Variants in CFAP251 observed in about 807,000 individuals in gnomAD.
CFAP251 encodes the protein cilia and flagella associated protein 251, also known as cilia- and flagella-associated protein 251.
In CFAP251, 93 loss-of-function variants were observed where a neutral mutation model predicts 126.7. The observed-to-expected ratio is 0.73, with a 90% CI of 0.62 to 0.87. The LOEUF (loss-of-function observed/expected upper bound fraction) is 0.87. Among genes scored for constraint, CFAP251 ranks in the 40% least tolerant of loss-of-function variants. CFAP251 has a pLI of 0.00. For synonymous variants in CFAP251, 503 were observed against 506.9 expected, an observed-to-expected ratio of 0.99 and a Z score of 0.10; for missense variants, 1,287 against 1,389.2, an observed-to-expected ratio of 0.93 and a Z score of 1.17.
intron 19 of CFAP251, among the ~76,000 whole-genome samples, chr12:121,978,298 G>A (rs1176987530): frequency 6.8e-6 from 1 of 148,108 alleles, no homozygotes; most frequent in Non-Finnish European, 1.5e-5. Flanking sequence ...GGAGGCTGAG[G>A]CAGGAGAATG....
chr12:122,003,572 CA>C, intron 21 of CFAP251, 79 bp from the exon 22 acceptor site: 1 of 1,169,300 alleles, frequency 8.6e-7, no homozygotes, highest in Non-Finnish European at 1.2e-6. Flanking sequence ...GGCCCTGTCT[CA>C]AACCCCTCCC....
At chr12:121,987,489 C>T (rs568114351) in intron 19 of CFAP251, among the ~76,000 whole-genome samples, 6 of 152,080 alleles carry the variant, frequency 3.9e-5, no homozygotes, top group South Asian at 2.1e-4. Flanking sequence ...CTGAGGTGGG[C>T]GCATCACCTG....
chr12:121,963,455 G>A (rs1022643282), intron 15 of CFAP251, among the ~76,000 whole-genome samples: 2 of 151,672 alleles, frequency 1.3e-5, no homozygotes, highest in African/African-American at 4.8e-5. Flanking sequence ...GGGAGAGGCT[G>A]GGCTGGAGTC....
intron 5 of CFAP251, 36 bp from the exon 6 acceptor site, chr12:121,942,498 C>G: frequency 6.6e-7 from 1 of 1,522,360 alleles, no homozygotes; most frequent in Non-Finnish European, 9.1e-7. Context: ...CCAGGGAGAC[C>G]TCAGCAAGTG....
chr12:121,934,084 G>C (rs976947723), intron 4 of CFAP251, among the ~76,000 whole-genome samples, 163 bp from the exon 5 acceptor site: 5 of 152,140 alleles, frequency 3.3e-5, no homozygotes, highest in Admixed American at 2.6e-4. Context: ...CACCCACTAG[G>C]AAGTGGAGAA....
chr12:121,957,252 G>A lies in CFAP251; in HGVS notation c.1714G>A (p.Asp572Asn). ...NYPPDCTLKGDLFVLRNFIIG... is the reference protein window; with the variant it reads ...NYPPDCTLKGNLFVLRNFIIG... ...TCCTCCTGACTGCACTTTAAAAGGTGACCTTTTTGTCTTAAGGTAAGTTGT... is the reference window on the plus strand; with the variant it reads ...TCCTCCTGACTGCACTTTAAAAGGTAACCTTTTTGTCTTAAGGTAAGTTGT... The change falls in exon 11 of 22, where the codon GAC becomes AAC. Residue 572 changes from aspartate (D) to asparagine (N), a missense_variant. Coordinates refer to ENST00000288912, the MANE Select transcript of CFAP251 (RefSeq NM_144668.6). 1 of 1,609,944 alleles carries A rather than the reference G, an allele frequency of 6.2e-7. No individual in the cohort carries two copies. Among genetic ancestry groups the A allele is most frequent in the Admixed American group, 1.7e-5 (1 of 58,698 alleles).
chr12:121,987,046 C>T (rs1882766151), intron 19 of CFAP251, among the ~76,000 whole-genome samples: 2 of 152,176 alleles, frequency 1.3e-5, no homozygotes, highest in Non-Finnish European at 1.5e-5. Context: ...GGATGGAGGT[C>T]TGTAGCCAAG....
intron 13 of CFAP251, among the ~76,000 whole-genome samples, chr12:121,960,078 A>G (rs1235752565): frequency 6.6e-6 from 1 of 152,172 alleles, no homozygotes; most frequent in Non-Finnish European, 1.5e-5. Flanking sequence ...GACTGCAGTG[A>G]GCCGTGATCA....
rs147817193 is a variant in CFAP251, at chr12:121,999,728, T to C, written c.3019T>C (p.Phe1007Leu). ...ATCTTTCCCCTAGATTGATGATATA[T>C]TTAACGAAATCAAATTTGGTGAATA... ...YPSEEKIDDIFNEIKFGEYVD... is the reference protein window; with the variant it reads ...YPSEEKIDDILNEIKFGEYVD... The change falls in exon 20 of 22, where the codon TTT becomes CTT. Residue 1007 changes from phenylalanine to leucine, a missense_variant. Phe to Leu is a conservative substitution (Grantham distance 22, BLOSUM62 0). Transcript: ENST00000288912. The C allele has an allele frequency of 1.2e-6, 2 of 1,608,070 alleles. No homozygotes were observed. The highest frequency in any genetic ancestry group is 3.3e-5 in the Admixed American group (2 of 59,934).
At chr12:121,929,012 A>G (rs1047808846) in intron 3 of CFAP251, among the ~76,000 whole-genome samples, 1 of 151,680 alleles carries the variant, frequency 6.6e-6, no homozygotes, top group African/African-American at 2.4e-5. Context: ...TTTATTTTTG[A>G]GCAGTTTTAG....
chr12:121,994,189 G>A (rs865816240), intron 19 of CFAP251, among the ~76,000 whole-genome samples: 7 of 69,750 alleles, frequency 1.0e-4, no homozygotes, highest in Non-Finnish European at 1.5e-4. Flanking sequence ...CAGCCGCCCC[G>A]TCCGGGAGGT....
chr12:121,962,247 G>T, intron 15 of CFAP251, 85 bp downstream of exon 15: 1 of 1,298,948 alleles, frequency 7.7e-7, no homozygotes, highest in South Asian at 1.4e-5. Flanking sequence ...ATAGGGACCT[G>T]CAGGCAGCTT....
intron 19 of CFAP251, among the ~76,000 whole-genome samples, chr12:121,993,758 C>A (rs1882941706): frequency 1.3e-5 from 2 of 150,734 alleles, no homozygotes; most frequent in Non-Finnish European, 3.0e-5. Flanking sequence ...AAGTGAGGAG[C>A]CCCTCTGCCC....
chr12:121,931,279 A>AT (rs11294634), intron 3 of CFAP251, among the ~76,000 whole-genome samples: 2 of 151,792 alleles, frequency 1.3e-5, no homozygotes, highest in African/African-American at 4.8e-5. Flanking sequence ...CACCCTTTAA[A>AT]TTTTTTTTTA....
intron 12 of CFAP251, among the ~76,000 whole-genome samples, chr12:121,958,737 CTG>C (rs546183460): frequency 1.4e-3 from 218 of 152,370 alleles, no homozygotes; most frequent in African/African-American, 4.9e-3. Context: ...CGCCTTCTCT[CTG>C]GGGCTCCCGC....
intron 19 of CFAP251, among the ~76,000 whole-genome samples, chr12:121,980,943 A>G (rs1565921151): frequency 1.3e-5 from 2 of 152,138 alleles, no homozygotes; most frequent in Admixed American, 6.5e-5. Flanking sequence ...TGCTCTGTAG[A>G]TGAGGCTGGA....
intron 20 of CFAP251, among the ~76,000 whole-genome samples, chr12:122,000,708 G>A (rs1486292704): frequency 6.6e-6 from 1 of 152,124 alleles, no homozygotes; most frequent in Non-Finnish European, 1.5e-5. Flanking sequence ...TGGGATGACA[G>A]TTTCATCTTA....
intron 19 of CFAP251, among the ~76,000 whole-genome samples, chr12:121,992,950 C>G (rs1371000876): frequency 2.2e-5 from 2 of 91,930 alleles, no homozygotes; most frequent in East Asian, 2.5e-4. Flanking sequence ...AAGAGCTCTC[C>G]CTCTCCCTCT....
chr12:121,960,487 G>A, intron 13 of CFAP251, 98 bp from the exon 14 acceptor site: 1 of 1,367,968 alleles, frequency 7.3e-7, no homozygotes, highest in South Asian at 1.3e-5. Context: ...CAAAGTGCTG[G>A]GATTACAGGC....
Sources: allele counts gnomAD v4.1 joint callset (sites outside exome capture counted in the v4.1 genomes callset), GRCh38; gene constraint gnomAD v4.1.1; transcripts MANE v1.5; gene names NCBI Gene and HGNC (gene_info 2026-07-23, HGNC 2026-07-21).